PKN2: variants seen among roughly 807,000 people sequenced by gnomAD.
The protein encoded by PKN2 is serine/threonine-protein kinase N2.
A neutral mutation model predicts 119.1 loss-of-function variants in PKN2; 38 were observed. The observed-to-expected ratio is 0.32, with a 90% CI of 0.25 to 0.42. PKN2 has a LOEUF of 0.42. Ranked by LOEUF, PKN2 falls within the 10% of genes least tolerant of loss-of-function variation. The probability of loss-of-function intolerance (pLI) is 1.00; values close to 1 mark genes in which losing one functional copy is unlikely to be tolerated. For missense variants in PKN2, 850 were observed against 1,165.1 expected (o/e 0.73, Z 3.94); for synonymous variants, 390 against 384.9 (o/e 1.01, Z -0.15).
chr1:88,757,477 G>A (rs1398349822), intron 2 of PKN2, among the ~76,000 whole-genome samples: 1 of 151,994 alleles, frequency 6.6e-6, no homozygotes, highest in Non-Finnish European at 1.5e-5. Flanking sequence ...TTGAATTAGT[G>A]AATTTTTTAA....
chr1:88,807,414 T>C lies in PKN2; in HGVS notation c.1905T>C (p.Tyr635=). ...ATACTCCTCAGTCAGGCCTAGAATA[T>C]AGTGGTATTCAAGAACTTGAGGACA... ...KPDTPQSGLE[Y]SGIQELEDRR... The change falls in exon 13 of 22, where the codon TAT becomes TAC. Residue 635 remains tyrosine (Y), a synonymous_variant. Transcript: ENST00000370521. 6.2e-7 allele frequency: 1 copy of C among 1,610,388 alleles called. No individual in the cohort carries two copies. The highest frequency in any genetic ancestry group is 1.1e-5 in the South Asian group (1 of 90,314).
At position 88,755,897 on chromosome 1, in the gene PKN2, A is replaced by G. The variant is rs377513927; in HGVS notation, c.350-4325A>G. ...TAGTATTTTTACAAATTCACAAACT[A>G]TCAGATCAATTGGTATATCTTTTTT... is the stretch of plus-strand genomic sequence containing the variant. On this transcript the variant is annotated intron_variant, in intron 2 of 21. Coordinates refer to ENST00000370521, the MANE Select transcript of PKN2 (RefSeq NM_006256.4). 4.6e-5 allele frequency among the ~76,000 whole-genome samples: 7 copies of G among 151,480 alleles called. No homozygotes were observed. In the East Asian group the frequency reaches 7.7e-4, roughly 17 times the overall value.
At chr1:88,821,849 AT>A (rs1672305134) in intron 16 of PKN2, 91 bp from the exon 17 acceptor site, 1 of 944,164 alleles carries the variant, frequency 1.1e-6, no homozygotes, top group Non-Finnish European at 1.5e-6. Flanking sequence ...AAATAAATTA[AT>A]GATAGGTCTG....
intron 2 of PKN2, among the ~76,000 whole-genome samples, chr1:88,759,662 A>G (rs1669358991): frequency 6.6e-6 from 1 of 152,100 alleles, no homozygotes; most frequent in Non-Finnish European, 1.5e-5. Flanking sequence ...TGCTATGTAG[A>G]ACCTCTTTAA....
At chr1:88,787,730 G>A (rs1670639639) in intron 8 of PKN2, among the ~76,000 whole-genome samples, 1 of 152,158 alleles carries the variant, frequency 6.6e-6, no homozygotes, top group Admixed American at 6.5e-5. Flanking sequence ...CGCCTCAATG[G>A]CATCAGGCAT....
intron 1 of PKN2, among the ~76,000 whole-genome samples, chr1:88,699,219 T>C (rs1666667066): frequency 6.6e-6 from 1 of 152,180 alleles, no homozygotes; most frequent in Non-Finnish European, 1.5e-5. Flanking sequence ...TCGTATTTCC[T>C]ATTTCTTTAA....
intron 15 of PKN2, among the ~76,000 whole-genome samples, chr1:88,808,359 G>A (rs371547359): frequency 6.6e-6 from 1 of 151,970 alleles, no homozygotes; most frequent in Non-Finnish European, 1.5e-5. Flanking sequence ...AGGCTGGAGT[G>A]CAGTGGTGCC....
intron 1 of PKN2, among the ~76,000 whole-genome samples, chr1:88,700,108 T>C (rs139769397): frequency 8.7e-4 from 132 of 152,172 alleles, no homozygotes; most frequent in African/African-American, 3.0e-3. Flanking sequence ...CATGGCTGCA[T>C]AGTATTCCAT....
intron 1 of PKN2, among the ~76,000 whole-genome samples, chr1:88,739,461 A>T (rs1260264106): frequency 6.6e-6 from 1 of 152,230 alleles, no homozygotes; most frequent in Non-Finnish European, 1.5e-5. Flanking sequence ...CATAATTTTT[A>T]GAAATTAAGA....
chr1:88,815,860 G>A (rs1396032694), intron 16 of PKN2, among the ~76,000 whole-genome samples: 4 of 152,100 alleles, frequency 2.6e-5, no homozygotes, highest in Non-Finnish European at 5.9e-5. Context: ...AGAAATCAGC[G>A]GGGAGCGGTG....
chr1:88,807,073 C>G (rs1048616303), intron 12 of PKN2, among the ~76,000 whole-genome samples: 11 of 151,826 alleles, frequency 7.2e-5, no homozygotes, highest in African/African-American at 2.7e-4. Flanking sequence ...TCCAGCTACT[C>G]GGGAGGCTGA....
At chr1:88,789,397 T>C (rs1040445477) in intron 8 of PKN2, among the ~76,000 whole-genome samples, 1 of 151,952 alleles carries the variant, frequency 6.6e-6, no homozygotes, top group African/African-American at 2.4e-5. Context: ...TGCAGTAGCT[T>C]ATGCTTGTAA....
chr1:88,719,466 C>T (rs535303127), intron 1 of PKN2, among the ~76,000 whole-genome samples: 1 of 152,208 alleles, frequency 6.6e-6, no homozygotes, highest in African/African-American at 2.4e-5. Flanking sequence ...TCTGTCCATC[C>T]ATTCATCCAT....
At chr1:88,759,402 CATT>C (rs1455034759) in intron 2 of PKN2, among the ~76,000 whole-genome samples, 1 of 152,146 alleles carries the variant, frequency 6.6e-6, no homozygotes, top group Non-Finnish European at 1.5e-5. Context: ...GATAGTATCT[CATT>C]GTGATTATGA....
intron 16 of PKN2, among the ~76,000 whole-genome samples, chr1:88,819,054 T>A (rs1436258728): frequency 6.6e-6 from 1 of 151,882 alleles, no homozygotes; most frequent in Non-Finnish European, 1.5e-5. Context: ...GACTTGAACA[T>A]AAGACTCAAA....
chr1:88,711,762 G>A (rs1293078633), intron 1 of PKN2, among the ~76,000 whole-genome samples: 3 of 152,166 alleles, frequency 2.0e-5, no homozygotes, highest in Non-Finnish European at 4.4e-5. Flanking sequence ...ATCTCTGGAA[G>A]TTTCAAAGCT....
At chr1:88,696,066 A>G (rs975698546) in intron 1 of PKN2, among the ~76,000 whole-genome samples, 4 of 152,210 alleles carry the variant, frequency 2.6e-5, no homozygotes, top group African/African-American at 7.2e-5. Flanking sequence ...ACTATTGTTA[A>G]TTAAGCTTTG....
chr1:88,809,198 C>A (rs1029005537), intron 15 of PKN2, among the ~76,000 whole-genome samples: 1 of 152,034 alleles, frequency 6.6e-6, no homozygotes. Context: ...TAAATGCTTT[C>A]TTGATATCTA....
chr1:88,804,336 G>A (rs1671449850), intron 8 of PKN2, 55 bp from the exon 9 acceptor site: 4 of 1,295,604 alleles, frequency 3.1e-6, no homozygotes, highest in Non-Finnish European at 4.3e-6. Context: ...TTATTCAAGT[G>A]TGTGTCCAAT....
Sources: gnomAD v4.1 joint callset for allele counts (sites outside exome capture counted in the v4.1 genomes callset) on GRCh38, gnomAD v4.1.1 for gene constraint, MANE v1.5 for transcripts, NCBI Gene and HGNC (gene_info 2026-07-23, HGNC 2026-07-21) for gene names.